The following PRKCE variants were observed in gnomAD, a reference collection of about 807,000 sequenced individuals.
PRKCE encodes protein kinase C epsilon, also known as protein kinase C epsilon type.
A neutral mutation model predicts 85.4 loss-of-function variants in PRKCE; 16 were observed. The ratio of observed to expected loss-of-function variants is 0.19; its 90% CI spans 0.13 to 0.28. The LOEUF (loss-of-function observed/expected upper bound fraction) is 0.28. Among genes scored for constraint, PRKCE ranks in the 10% least tolerant of loss-of-function variants. PRKCE has a pLI of 1.00. For synonymous variants in PRKCE, 388 were observed against 371.5 expected (o/e 1.04, Z -0.51); for missense variants, 573 against 975.2 (o/e 0.59, Z 5.49).
At chr2:45,955,183 G>T (rs930166287) in intron 2 of PRKCE, among the ~76,000 whole-genome samples, 1 of 152,188 alleles carries the variant, frequency 6.6e-6, no homozygotes, top group Non-Finnish European at 1.5e-5. Flanking sequence ...AGAAGAAAAA[G>T]ATCCCTGTGG....
chr2:45,912,440 TTGG>T (rs1697450233), intron 2 of PRKCE, among the ~76,000 whole-genome samples: 1 of 152,096 alleles, frequency 6.6e-6, no homozygotes, highest in Non-Finnish European at 1.5e-5. Context: ...TAGCCTTCAC[TTGG>T]TGGAGAAGGA....
chr2:46,123,465 A>G (rs1223523954), intron 11 of PRKCE, among the ~76,000 whole-genome samples: 1 of 151,922 alleles, frequency 6.6e-6, no homozygotes, highest in African/African-American at 2.4e-5. Flanking sequence ...CATAGAACAA[A>G]AGCAAACTTT....
intron 11 of PRKCE, among the ~76,000 whole-genome samples, chr2:46,093,597 T>C (rs1670397234): frequency 6.6e-6 from 1 of 151,642 alleles, no homozygotes; most frequent in African/African-American, 2.4e-5. Flanking sequence ...GTTACAATGA[T>C]AGCTCACTGC....
rs529002990 is a variant in PRKCE, at chr2:46,012,285, T to C, written c.1437+1768T>C. 2.6e-5 allele frequency among the ~76,000 whole-genome samples: 4 copies of C among 152,126 alleles called. No homozygotes were observed. In the South Asian group the frequency reaches 6.2e-4, roughly 24 times the overall value. On this transcript the variant is annotated intron_variant, in intron 10 of 14. Transcript: ENST00000306156. The stretch of plus-strand genomic sequence containing the variant: ...CCTTATCTTTCTTTATCTCTCTCTC[T>C]TTTCCTTTCTTTTCTTTTCCTTTTT...
chr2:45,750,477 C>T (rs1323997634), intron 1 of PRKCE, among the ~76,000 whole-genome samples: 1 of 151,550 alleles, frequency 6.6e-6, no homozygotes, highest in Non-Finnish European at 1.5e-5. Flanking sequence ...TAGAGCTGTG[C>T]CCCTGCATAG....
chr2:45,857,485 G>A lies in PRKCE; in HGVS notation c.412+14422G>A, dbSNP rs1692770419. Reference sequence around the variant, plus strand: ...AAAGCTTTGACGATGTGCCCTATTAGCCTCTATACTCTGAAGTAGATCTAT... The same window carrying A: ...AAAGCTTTGACGATGTGCCCTATTAACCTCTATACTCTGAAGTAGATCTAT... On this transcript the variant is annotated intron_variant, in intron 2 of 14. Transcript: ENST00000306156. Among the ~76,000 whole-genome samples the A allele has an allele frequency of 2.0e-5, 3 of 152,232 alleles. No individual in the cohort carries two copies. In the South Asian group the frequency reaches 6.2e-4, roughly 32 times the overall value.
At chr2:45,807,987 A>G (rs952938838) in intron 1 of PRKCE, among the ~76,000 whole-genome samples, 1 of 151,960 alleles carries the variant, frequency 6.6e-6, no homozygotes, top group Non-Finnish European at 1.5e-5. Flanking sequence ...CACCCCCTGC[A>G]TCTGGACTAT....
intron 14 of PRKCE, among the ~76,000 whole-genome samples, chr2:46,173,233 A>G (rs1243075613): frequency 6.6e-6 from 1 of 152,248 alleles, no homozygotes; most frequent in Non-Finnish European, 1.5e-5. Context: ...CAGTGCCCAT[A>G]AAGTTTTATC....
chr2:45,977,429 G>A (rs920022351), intron 3 of PRKCE, among the ~76,000 whole-genome samples: 5 of 151,960 alleles, frequency 3.3e-5, no homozygotes, highest in African/African-American at 1.2e-4. Context: ...TTGAGGTCAG[G>A]AGTTTGAAAC....
At chr2:46,101,388 C>T (rs2104083480) in intron 11 of PRKCE, among the ~76,000 whole-genome samples, 1 of 152,260 alleles carries the variant, frequency 6.6e-6, no homozygotes, top group East Asian at 1.9e-4. Context: ...CCGGAGAGAT[C>T]CAATGGGCTA....
At chr2:45,789,937 A>T (rs1249848018) in intron 1 of PRKCE, among the ~76,000 whole-genome samples, 2 of 152,198 alleles carry the variant, frequency 1.3e-5, no homozygotes, top group Non-Finnish European at 2.9e-5. Flanking sequence ...GTTCATTCAT[A>T]TTGATAGGAT....
intron 1 of PRKCE, among the ~76,000 whole-genome samples, chr2:45,800,651 C>T (rs1301940467): frequency 6.6e-6 from 1 of 152,204 alleles, no homozygotes; most frequent in Non-Finnish European, 1.5e-5. Context: ...GGCAAGGGGT[C>T]AAGTCCATGC....
intron 10 of PRKCE, among the ~76,000 whole-genome samples, chr2:46,043,734 A>T (rs1269984193): frequency 2.4e-4 from 36 of 152,246 alleles, no homozygotes; most frequent in Non-Finnish European, 1.8e-4. Context: ...TTTTTCCCCT[A>T]GATTTCCCTT....
At chr2:45,747,603 A>C (rs1683238719) in intron 1 of PRKCE, among the ~76,000 whole-genome samples, 1 of 152,130 alleles carries the variant, frequency 6.6e-6, no homozygotes, top group African/African-American at 2.4e-5. Flanking sequence ...GGTTTTTCTA[A>C]TCCATTGATG....
chr2:46,017,892 C>T (rs188235810), intron 10 of PRKCE, among the ~76,000 whole-genome samples: 8 of 152,304 alleles, frequency 5.3e-5, no homozygotes, highest in Admixed American at 3.3e-4. Context: ...ATAAAGGTTT[C>T]CCAACAGTCT....
At chr2:45,702,438 C>T (rs1381461765) in intron 1 of PRKCE, among the ~76,000 whole-genome samples, 1 of 152,132 alleles carries the variant, frequency 6.6e-6, no homozygotes, top group Non-Finnish European at 1.5e-5. Context: ...GCTGAGAGAG[C>T]ATCTGTAAAC....
Position 45,751,809 on chromosome 2 carries a change from A to ATTTTTTTTTTTTTTTTTTT in PRKCE, c.349-91183_349-91165dup, listed in dbSNP as rs34589907. ...ACTCCAGCCTCCAAAGCTAACCACTATTTTTTTTTTTTTTTTTTTTTTTTT... is the reference window on the plus strand; with the variant it reads ...ACTCCAGCCTCCAAAGCTAACCACTATTTTTTTTTTTTTTTTTTTTTTTTTTTTTTTTTTTTTTTTTTTT... On this transcript the variant is annotated intron_variant, in intron 1 of 14. Coordinates refer to ENST00000306156, the MANE Select transcript of PRKCE (RefSeq NM_005400.3). Among the ~76,000 whole-genome samples, 2 of 78,506 alleles carry ATTTTTTTTTTTTTTTTTTT rather than the reference A, an allele frequency of 2.5e-5. 1 individual carries two copies. Among genetic ancestry groups the ATTTTTTTTTTTTTTTTTTT allele is most frequent in the African/African-American group, 1.1e-4 (2 of 17,672 alleles). The allele number at this position is 78,506 out of a possible 152,430, so 51.5% of individuals were successfully genotyped here.
intron 1 of PRKCE, among the ~76,000 whole-genome samples, chr2:45,669,798 G>A (rs1458598873): frequency 2.0e-5 from 3 of 152,176 alleles, no homozygotes; most frequent in Non-Finnish European, 4.4e-5. Flanking sequence ...ATCACTTGAT[G>A]TCAGGAGTTC....
intron 10 of PRKCE, among the ~76,000 whole-genome samples, chr2:46,059,571 A>ATTAGTTAT (rs1190478331): frequency 6.6e-6 from 1 of 152,156 alleles, no homozygotes; most frequent in Non-Finnish European, 1.5e-5. Flanking sequence ...ATTTGCAGAG[A>ATTAGTTAT]TTAGTTATTT....
Sources: gnomAD v4.1 joint callset for allele counts (sites outside exome capture counted in the v4.1 genomes callset) on GRCh38, gnomAD v4.1.1 for gene constraint, MANE v1.5 for transcripts, NCBI Gene and HGNC (gene_info 2026-07-23, HGNC 2026-07-21) for gene names.